Variants in TENM1 observed in about 807,000 individuals in gnomAD.
The protein encoded by TENM1 is teneurin transmembrane protein 1, also known as teneurin-1.
TENM1 carries 35 observed loss-of-function variants against 174.8 expected under a neutral mutation model. The ratio of observed to expected loss-of-function variants is 0.20; its 90% CI spans 0.15 to 0.27. The LOEUF is 0.27. Ranked by LOEUF, TENM1 falls within the 10% of genes least tolerant of loss-of-function variation. The probability of loss-of-function intolerance (pLI) is 1.00; values close to 1 mark genes in which losing one functional copy is unlikely to be tolerated. For missense variants in TENM1, 1,633 were observed against 2,130.1 expected (o/e 0.77, Z 4.59); for synonymous variants, 781 against 798.7 (o/e 0.98, Z 0.37).
upstream of TENM1, among the ~76,000 whole-genome samples, chrX:124,966,617 G>A (rs1172883640): frequency 2.9e-5 from 3 of 104,649 alleles, no homozygotes; most frequent in Non-Finnish European, 3.9e-5. Flanking sequence ...AGCCGAGATC[G>A]CGCCACTGCA....
chrX:124,608,212 G>C (rs998664103), intron 11 of TENM1, among the ~76,000 whole-genome samples: 3 of 111,234 alleles, frequency 2.7e-5, no homozygotes, highest in Non-Finnish European at 5.7e-5. Flanking sequence ...AGTTTTAGTC[G>C]AGTGCTTGTA....
the TENM1 span, among the ~76,000 whole-genome samples, chrX:125,063,195 C>T: frequency 8.9e-6 from 1 of 112,059 alleles, no homozygotes; most frequent in Admixed American, 9.5e-5. Context: ...AAATATAACA[C>T]ATTATAATTT....
chrX:124,755,272 T>TG (rs1322279109), intron 3 of TENM1, among the ~76,000 whole-genome samples: 2 of 110,409 alleles, frequency 1.8e-5, no homozygotes, highest in Non-Finnish European at 3.8e-5. Flanking sequence ...TGATCTTTGT[T>TG]GGTTTAAAGT....
At chrX:124,847,217 T>G (rs980798734) in intron 3 of TENM1, among the ~76,000 whole-genome samples, 2 of 111,424 alleles carry the variant, frequency 1.8e-5, no homozygotes, top group African/African-American at 6.5e-5. Context: ...CCTGAATATA[T>G]GGGCTATTTT....
chrX:124,981,873 G>A, the TENM1 span, among the ~76,000 whole-genome samples: 1 of 82,740 alleles, frequency 1.2e-5, no homozygotes, highest in African/African-American at 6.7e-5. Flanking sequence ...GCAAAAACAG[G>A]TGCAGCGCAC....
chrX:124,851,958 C>T (rs889886918), intron 3 of TENM1, among the ~76,000 whole-genome samples: 1 of 110,722 alleles, frequency 9.0e-6, no homozygotes, highest in Non-Finnish European at 1.9e-5. Context: ...ACCAAGGTGA[C>T]TTACCTTGTG....
rs751313657 is a variant in TENM1 at position 124,422,454 on chromosome X, G to A, written c.4289C>T (p.Ser1430Phe). ...GATGGCCCTCGCTGACTCTAGAGTG[G>A]AGTGAATTGCTACCTTGCTGACCAG... The change falls in exon 24 of 32, where the codon TCC (serine) becomes TTC (phenylalanine). Residue 1430 changes from serine to phenylalanine, a missense_variant. Ser to Phe is a radical substitution (Grantham distance 155, BLOSUM62 -2). Transcript: ENST00000422452. The A allele has an allele frequency of 7.3e-5, 88 of 1,209,077 alleles. No individual in the cohort carries two copies. In the East Asian group the frequency reaches 1.9e-3, roughly 26 times the overall value.
intron 23 of TENM1, among the ~76,000 whole-genome samples, chrX:124,445,206 CA>C (rs1323086292): frequency 9.0e-6 from 1 of 111,545 alleles, no homozygotes; most frequent in Non-Finnish European, 1.9e-5. Context: ...TGAACAGTTG[CA>C]GTAAGACTGG....
At chrX:125,049,241 C>G in the TENM1 span, among the ~76,000 whole-genome samples, 1 of 111,767 alleles carries the variant, frequency 8.9e-6, no homozygotes, top group Non-Finnish European at 1.9e-5. Context: ...ACAGTCACAC[C>G]TATTTCCCTC....
chrX:124,392,002 A>G (rs1240192809), intron 28 of TENM1, 50 bp downstream of exon 31: 1 of 1,070,664 alleles, frequency 9.3e-7, no homozygotes, highest in Non-Finnish European at 1.3e-6. Flanking sequence ...GCCATTTTCG[A>G]TAGTCTCATT....
At chrX:125,001,292 T>C in the TENM1 span, among the ~76,000 whole-genome samples, 1 of 111,240 alleles carries the variant, frequency 9.0e-6, no homozygotes, top group Non-Finnish European at 1.9e-5. Context: ...GGCAGCGCCC[T>C]TTCTATATGA....
At chrX:124,420,892 G>T in intron 24 of TENM1, 71 bp from the exon 28 acceptor site, 1 of 965,084 alleles carries the variant, frequency 1.0e-6, no homozygotes, top group Non-Finnish European at 1.4e-6. Flanking sequence ...CAGACATAAA[G>T]CTCTGTGCAT....
the TENM1 span, among the ~76,000 whole-genome samples, chrX:125,138,909 A>G: frequency 9.0e-6 from 1 of 111,180 alleles, no homozygotes; most frequent in Admixed American, 9.6e-5. Context: ...TCCAGGGATG[A>G]CTGGTATACT....
At chrX:124,443,314 G>A (rs193239110) in intron 23 of TENM1, among the ~76,000 whole-genome samples, 171 of 111,000 alleles carry the variant, frequency 1.5e-3, no homozygotes, top group Admixed American at 2.5e-3. Flanking sequence ...CTGCTGCTTG[G>A]GGCAGGTGGT....
the TENM1 span, among the ~76,000 whole-genome samples, chrX:125,020,276 T>A: frequency 1.8e-5 from 2 of 111,766 alleles, no homozygotes; most frequent in Admixed American, 9.6e-5. Context: ...CCTATTTTTC[T>A]TGTTAACTTG....
chrX:124,474,696 C>T (rs1204097982), intron 22 of TENM1, among the ~76,000 whole-genome samples: 2 of 111,804 alleles, frequency 1.8e-5, no homozygotes, highest in Non-Finnish European at 3.8e-5. Context: ...CAGAACAGGC[C>T]GGAAGGTCCT....
At chrX:124,828,400 T>C (rs1270524116) in intron 3 of TENM1, among the ~76,000 whole-genome samples, 3 of 112,525 alleles carry the variant, frequency 2.7e-5, no homozygotes, top group Non-Finnish European at 5.6e-5. Context: ...TGTTATTATA[T>C]TGTTTTAGCC....
At chrX:125,185,444 G>T in the TENM1 span, among the ~76,000 whole-genome samples, 2 of 111,990 alleles carry the variant, frequency 1.8e-5, no homozygotes, top group Non-Finnish European at 3.8e-5. Flanking sequence ...TTTTTGCAAA[G>T]ACTAAAAATT....
intron 3 of TENM1, among the ~76,000 whole-genome samples, chrX:124,872,129 T>C (rs2147481632): frequency 9.2e-6 from 1 of 108,958 alleles, no homozygotes; most frequent in East Asian, 2.9e-4. Flanking sequence ...GAGCATGATA[T>C]CCTGTAAGCC....
Sources: allele counts gnomAD v4.1 joint callset (sites outside exome capture counted in the v4.1 genomes callset), GRCh38; gene constraint gnomAD v4.1.1; transcripts MANE v1.5; gene names NCBI Gene and HGNC (gene_info 2026-07-23, HGNC 2026-07-21).